TUBGCP5: variants seen among roughly 807,000 people sequenced by gnomAD.
TUBGCP5 encodes the protein tubulin gamma complex component 5.
TUBGCP5 carries 98 observed loss-of-function variants against 134.7 expected under a neutral mutation model. That is an observed-to-expected ratio of 0.73 (90% confidence interval 0.62 to 0.86). The LOEUF is 0.86. Among genes scored for constraint, TUBGCP5 ranks in the 40% least tolerant of loss-of-function variants. TUBGCP5 has a pLI of 0.00. For synonymous variants in TUBGCP5, 456 were observed against 431.4 expected (o/e 1.06, Z -0.71); for missense variants, 1,150 against 1,244.8 (o/e 0.92, Z 1.15).
chr15:23,027,809 T>G (rs1253368499), intron 6 of TUBGCP5, among the ~76,000 whole-genome samples: 2 of 149,964 alleles, frequency 1.3e-5, no homozygotes, highest in African/African-American at 4.9e-5. Flanking sequence ...TTTAATTAAA[T>G]GTAACTGACT....
Position 23,031,021 on chromosome 15 carries a change from C to G in TUBGCP5, c.487-1G>C. On this transcript the variant is annotated splice_acceptor_variant, in intron 5 of 22. Coordinates refer to ENST00000615383, the MANE Select transcript of TUBGCP5 (RefSeq NM_052903.6). LOFTEE classifies it high-confidence loss of function. ...CCTCTTCACTTTCTTCAGACCAATT[C>G]TGATTTAAAAAAGAGATACACTTTA... 1 of 1,606,506 alleles carries G rather than the reference C, an allele frequency of 6.2e-7. No homozygotes were observed. Among genetic ancestry groups the G allele is most frequent in the Non-Finnish European group, 8.5e-7 (1 of 1,178,100 alleles).
chr15:23,010,155 C>A, intron 14 of TUBGCP5, 22 bp from the exon 15 acceptor site: 1 of 1,601,742 alleles, frequency 6.2e-7, no homozygotes, highest in Non-Finnish European at 8.5e-7. Context: ...AAATGTGAGT[C>A]TTCTTTTTAT....
chr15:23,004,308 C>T, intron 19 of TUBGCP5, 81 bp from the exon 20 acceptor site: 1 of 1,495,214 alleles, frequency 6.7e-7, no homozygotes, highest in Non-Finnish European at 9.1e-7. Context: ...TTTTACTAAG[C>T]TCTTCTACTC....
intron 1 of TUBGCP5, among the ~76,000 whole-genome samples, chr15:23,038,038 A>G (rs1325704732): frequency 6.6e-6 from 1 of 152,224 alleles, no homozygotes. Flanking sequence ...TGCTGGGATT[A>G]CAGGCGTGAG....
chr15:23,002,114 A>G (rs1200901468), intron 21 of TUBGCP5, among the ~76,000 whole-genome samples: 1 of 150,768 alleles, frequency 6.6e-6, no homozygotes, highest in African/African-American at 2.4e-5. Context: ...CAGCAGTGTT[A>G]TTTCTCCTCC....
At chr15:23,001,772 CCCA>C (rs1595817249) in intron 21 of TUBGCP5, among the ~76,000 whole-genome samples, 1 of 152,054 alleles carries the variant, frequency 6.6e-6, no homozygotes, top group East Asian at 1.9e-4. Flanking sequence ...CCTCCACAGC[CCCA>C]CCACAATATT....
At chr15:23,031,430 C>G (rs2066306037) in intron 5 of TUBGCP5, among the ~76,000 whole-genome samples, 1 of 151,946 alleles carries the variant, frequency 6.6e-6, no homozygotes, top group East Asian at 1.9e-4. Flanking sequence ...GATTCTCGTG[C>G]CTGAGCCTCC....
intron 7 of TUBGCP5, 36 bp from the exon 8 acceptor site, chr15:23,026,241 T>C (rs1327778347): frequency 6.4e-7 from 1 of 1,565,634 alleles, no homozygotes; most frequent in Non-Finnish European, 8.8e-7. Flanking sequence ...AATAGAAAGG[T>C]TTCTAAGTAA....
At chr15:23,008,296 C>T (rs970953078) in intron 16 of TUBGCP5, among the ~76,000 whole-genome samples, 6 of 152,036 alleles carry the variant, frequency 3.9e-5, no homozygotes, top group African/African-American at 7.2e-5. Flanking sequence ...AATGGAGTCT[C>T]GTTCTTGTCG....
chr15:23,005,707 T>C (rs2064668592), intron 18 of TUBGCP5, 97 bp from the exon 19 acceptor site: 1 of 1,316,008 alleles, frequency 7.6e-7, no homozygotes, highest in South Asian at 1.4e-5. Flanking sequence ...GATGTGGTCC[T>C]GGCACCACAG....
At position 23,017,922 on chromosome 15, in the gene TUBGCP5, C is replaced by T. The variant is rs2065433244; in HGVS notation, c.1607G>A (p.Gly536Asp). ...KMSDNASASS[G>D]SDQGPSSRQH... ...CCTGCTGGAGGGCCCCTGGTCACTG[C>T]CGGAACTCGCACTAGCGTTATCACT... Residue 536 changes from glycine (G) to aspartate (D), a missense_variant, in exon 13 of 23, where the codon GGC (glycine) becomes GAC (aspartate). By Grantham distance (94) the Gly-to-Asp change is moderately conservative. Transcript: ENST00000615383. 4 of 1,614,176 alleles carry T rather than the reference C, an allele frequency of 2.5e-6. No homozygotes were observed. The highest frequency in any genetic ancestry group is 3.4e-6 in the Non-Finnish European group (4 of 1,180,030).
chr15:23,024,040 T>C lies in TUBGCP5; in HGVS notation c.1075A>G (p.Arg359Gly). The change falls in exon 10 of 23, where the codon AGA becomes GGA. Residue 359 changes from arginine to glycine, a missense_variant. By Grantham distance (125) the Arg-to-Gly change is moderately radical. Around this residue, in one of 2 missense-constraint regions of TUBGCP5, gnomAD observed 697 missense variants for 850.1 expected, o/e 0.82. Coordinates refer to ENST00000615383, the MANE Select transcript of TUBGCP5 (RefSeq NM_052903.6). ...GCCCACATGAAAGCCTGGTAGGTTC[T>C]AAAGGGAGCTTCAGTTGACTTCTTA... ...VPKKSTEAPFRTYQAFMWALY... is the reference protein window; with the variant it reads ...VPKKSTEAPFGTYQAFMWALY... The C allele has an allele frequency of 1.2e-6, 2 of 1,614,182 alleles. No individual in the cohort carries two copies. Among genetic ancestry groups the C allele is most frequent in the Non-Finnish European group, 1.7e-6 (2 of 1,180,016 alleles).
In TUBGCP5 at chr15:23,021,897, T is replaced by C; in HGVS notation, c.1371+62A>G. 2.0e-6 allele frequency: 3 copies of C among 1,506,204 alleles called. No individual in the cohort carries two copies. In the South Asian group the frequency reaches 3.4e-5, roughly 17 times the overall value. The allele number at this position is 1,506,204 out of a possible 1,614,324, so 93.3% of individuals were successfully genotyped here. A position where few individuals can be genotyped will look rare whatever the true frequency, so the allele number is the denominator to read the frequency against. On this transcript the variant is annotated intron_variant, in intron 11 of 22. Coordinates refer to ENST00000615383, the MANE Select transcript of TUBGCP5 (RefSeq NM_052903.6). ...GTATCAACAAAGAACTACCATCAGC[T>C]GTCTATCACTCCTCTGCTGTGCAGC...
At position 23,008,749 on chromosome 15, in the gene TUBGCP5, A is replaced by T. The variant is rs181614580; in HGVS notation, c.2277T>A (p.Asn759Lys). Residue 759 changes from asparagine to lysine, a missense_variant, in exon 16 of 23, where the codon AAT becomes AAA. Physicochemically the swap from Asn to Lys is moderately conservative, Grantham distance 94. Coordinates refer to ENST00000615383, the MANE Select transcript of TUBGCP5 (RefSeq NM_052903.6). ...GTCCTACTGCTTCTTGGAGTTGGAC[A>T]TTAAGAAAAGACACATTCTGCCATG... ...KETWQNVSFL[N>K]VQLQEAVGQR... 23 of 1,607,890 alleles carry T rather than the reference A, an allele frequency of 1.4e-5. No homozygotes were observed. The African/African-American group carries it at 2.7e-4, about 19-fold the overall frequency.
At chr15:23,022,620 A>G (rs1302102833) in intron 10 of TUBGCP5, among the ~76,000 whole-genome samples, 1 of 152,228 alleles carries the variant, frequency 6.6e-6, no homozygotes, top group Admixed American at 6.5e-5. Context: ...ATGTGGAGCT[A>G]GACATGTGAT....
chr15:23,035,329 TA>T (rs71117460), intron 3 of TUBGCP5, among the ~76,000 whole-genome samples: 67 of 134,510 alleles, frequency 5.0e-4, no homozygotes, highest in Admixed American at 5.9e-4. Flanking sequence ...CACTCAGTCT[TA>T]AAAAAAAAAA....
chr15:23,010,127 A>G lies in TUBGCP5; in HGVS notation c.1962T>C (p.Tyr654=), dbSNP rs1471788764. The G allele has an allele frequency of 1.9e-6, 3 of 1,611,492 alleles. No individual in the cohort carries two copies. Among genetic ancestry groups the G allele is most frequent in the East Asian group, 4.5e-5 (2 of 44,830 alleles). The change falls in exon 15 of 23, where the codon TAT becomes TAC. Residue 654 remains tyrosine (Y), a synonymous_variant. Transcript: ENST00000615383. ...TCTCGTGAAAGTCACTCTGCTCCAA[A>G]TACATCCTTCAAGATAAAAATGTGA... The part of the protein sequence containing the change: ...PLLAINFARM[Y]LEQSDFHEKF...
rs1398959381 is a variant in TUBGCP5, at chr15:23,000,627, G to T, written c.2970C>A (p.Cys990Ter). ...IEKMESDFKN[C>*]HMFLVTILNK... ...TTAAAATGGTTACAAGAAACATATG[G>T]CAGTTTTTAAAATCAGATTCCATTT... The change falls in exon 22 of 23, where the codon TGC (cysteine) becomes TGA (stop). Residue 990 changes from cysteine (C) to a stop codon, truncating the protein, a stop_gained. Coordinates refer to ENST00000615383, the MANE Select transcript of TUBGCP5 (RefSeq NM_052903.6). LOFTEE classifies it high-confidence loss of function. The T allele has an allele frequency of 1.9e-6, 3 of 1,607,920 alleles. No individual in the cohort carries two copies. The highest frequency in any genetic ancestry group is 4.5e-5 in the East Asian group (2 of 44,792).
chr15:22,999,231 T>C lies in TUBGCP5; in HGVS notation c.*589A>G, dbSNP rs2064234911. 1.3e-5 allele frequency: 2 copies of C among 152,204 alleles called. No individual in the cohort carries two copies. The highest frequency in any genetic ancestry group is 4.8e-5 in the African/African-American group (2 of 41,438). 9.4% of individuals were successfully genotyped at this position (152,204 alleles called of 1,614,324 possible). A position where few individuals can be genotyped will look rare whatever the true frequency, so the allele number is the denominator to read the frequency against. Reference sequence around the variant, plus strand: ...TATCAGTAATTACATTTTCAAAATATGATATAATTTAAAGGTATCAGTACC... The same window carrying C: ...TATCAGTAATTACATTTTCAAAATACGATATAATTTAAAGGTATCAGTACC... On this transcript the variant is annotated 3_prime_UTR_variant, in exon 23 of 23. Coordinates refer to ENST00000615383, the MANE Select transcript of TUBGCP5 (RefSeq NM_052903.6).
Sources: gnomAD v4.1 joint callset for allele counts (sites outside exome capture counted in the v4.1 genomes callset) on GRCh38, gnomAD v4.1.1 for gene constraint, gnomAD v4.1.1 regional missense constraint, MANE v1.5 for transcripts, NCBI Gene and HGNC (gene_info 2026-07-23, HGNC 2026-07-21) for gene names.